NUP133: variants seen among roughly 807,000 people sequenced by gnomAD.
NUP133 encodes nucleoporin 133, also known as nuclear pore complex protein Nup133.
Under a neutral mutation model 146.2 loss-of-function variants are expected in NUP133, and 66 were observed. The observed-to-expected ratio is 0.45, with a 90% CI of 0.37 to 0.55. NUP133 has a LOEUF of 0.55. Among genes scored for constraint, NUP133 ranks in the 20% least tolerant of loss-of-function variants. The probability of loss-of-function intolerance (pLI) is 0.00; values close to 1 mark genes in which losing one functional copy is unlikely to be tolerated. For missense variants in NUP133, 1,277 were observed against 1,374.8 expected (o/e 0.93, Z 1.12); for synonymous variants, 521 against 498.8 (o/e 1.04, Z -0.59).
Position 229,499,837 on chromosome 1 carries a change from CA to C in NUP133, c.514-20del. Reference sequence around the variant, plus strand: ...CAACAGCCTCAAAACAAGATCACAACAATCAGCAATCACAATAAAAGAGGAA... The same window carrying C: ...CAACAGCCTCAAAACAAGATCACAACATCAGCAATCACAATAAAAGAGGAA... On this transcript the variant is annotated intron_variant, in intron 4 of 25. Transcript: ENST00000261396. 1 of 1,606,738 alleles carries C rather than the reference CA, an allele frequency of 6.2e-7. No homozygotes were observed. The highest frequency in any genetic ancestry group is 8.5e-7 in the Non-Finnish European group (1 of 1,175,356).
intron 24 of NUP133, chr1:229,448,894 C>T (rs558230878): frequency 1.4e-5 from 7 of 517,676 alleles, no homozygotes; most frequent in Non-Finnish European, 1.7e-5. Context: ...GCATCAAAGT[C>T]AGGGGCAGTC....
chr1:229,467,579 T>C (rs1660852844), intron 15 of NUP133, among the ~76,000 whole-genome samples: 2 of 152,192 alleles, frequency 1.3e-5, no homozygotes, highest in South Asian at 2.1e-4. Flanking sequence ...CTTTAGCACA[T>C]TTAATTTATA....
Position 229,502,059 on chromosome 1 carries a change from A to C in NUP133, c.345T>G (p.Ala115=), listed in dbSNP as rs1360192822. Residue 115 remains alanine (A), a synonymous_variant, in exon 3 of 26, where the codon GCT becomes GCG. Transcript: ENST00000261396. ...LTINIDEGGW[A]CLVCKEKLII... is the part of the protein sequence containing the mutation. ...TGAGCTTCTCTTTGCACACCAGACA[A>C]GCCCATCCACCTTCATCTATGTTAA... is the stretch of plus-strand genomic sequence containing the variant. The C allele has an allele frequency of 1.9e-6, 3 of 1,614,056 alleles. No homozygotes were observed. The highest frequency in any genetic ancestry group is 1.7e-6 in the Non-Finnish European group (2 of 1,179,976).
Position 229,447,551 on chromosome 1 carries a change from A to C in NUP133, c.3245+1575T>G, listed in dbSNP as rs1019435621. The stretch of plus-strand genomic sequence containing the variant: ...CAGGATAGGGGCTGGTCACCAGAAA[A>C]AGCATAATTAGAGTTGGGACTTTTC... On this transcript the variant is annotated intron_variant, in intron 24 of 25. Transcript: ENST00000261396. Among the ~76,000 whole-genome samples, 5 of 152,022 alleles carry C rather than the reference A, an allele frequency of 3.3e-5. No individual in the cohort carries two copies. The East Asian group carries it at 9.6e-4, about 29-fold the overall frequency.
chr1:229,490,144 C>A (rs779006726), intron 8 of NUP133, 42 bp from the exon 9 acceptor site: 3 of 1,455,838 alleles, frequency 2.1e-6, no homozygotes, highest in East Asian at 2.4e-5. Flanking sequence ...CTCTAAAAAA[C>A]AACTTAGGAG....
At chr1:229,457,646 G>A (rs908106646) in intron 21 of NUP133, among the ~76,000 whole-genome samples, 3 of 151,798 alleles carry the variant, frequency 2.0e-5, no homozygotes, top group Admixed American at 6.6e-5. Context: ...TAATTCTCTT[G>A]TTGTAATTTT....
At chr1:229,474,004 A>G (rs1348939499) in intron 14 of NUP133, among the ~76,000 whole-genome samples, 1 of 152,216 alleles carries the variant, frequency 6.6e-6, no homozygotes, top group African/African-American at 2.4e-5. Context: ...GACCAATGTC[A>G]CTTTACTGGA....
intron 17 of NUP133, among the ~76,000 whole-genome samples, 157 bp downstream of exon 17, chr1:229,465,263 G>C (rs1660786688): frequency 6.6e-6 from 1 of 152,208 alleles, no homozygotes; most frequent in Non-Finnish European, 1.5e-5. Context: ...ATAAGAGCAA[G>C]GGACGAATAA....
chr1:229,444,770 C>A, intron 25 of NUP133, 144 bp downstream of exon 25: 1 of 533,248 alleles, frequency 1.9e-6, no homozygotes, highest in Non-Finnish European at 3.4e-6. Flanking sequence ...TTGCTTGAAC[C>A]CGGGAGGTGG....
rs1558109234 is a variant in NUP133, at chr1:229,500,876, C to T, written c.406-13G>A. ...TGCAAACGGATAACTGTAGAACAAA[C>T]CCAAACAGAAAATCTTTCACATCAA... On this transcript the variant is annotated splice_polypyrimidine_tract_variant and intron_variant, in intron 3 of 25. Transcript: ENST00000261396. 1.3e-6 allele frequency: 2 copies of T among 1,556,320 alleles called. No homozygotes were observed. Among genetic ancestry groups the T allele is most frequent in the Non-Finnish European group, 1.8e-6 (2 of 1,134,346 alleles).
intron 19 of NUP133, among the ~76,000 whole-genome samples, chr1:229,461,038 G>A (rs993122019): frequency 1.3e-5 from 2 of 152,132 alleles, no homozygotes; most frequent in African/African-American, 2.4e-5. Context: ...CTGGCCATAC[G>A]TAGCTGTTTA....
intron 19 of NUP133, among the ~76,000 whole-genome samples, chr1:229,461,705 T>C (rs922440811): frequency 4.6e-5 from 7 of 151,972 alleles, no homozygotes; most frequent in Non-Finnish European, 1.0e-4. Flanking sequence ...TCAAAGATGA[T>C]CAGAGTAAGC....
At position 229,441,772 on chromosome 1, in the gene NUP133, C is replaced by A; in HGVS notation, c.*132G>T. 2 of 725,032 alleles carry A rather than the reference C, an allele frequency of 2.8e-6. No individual in the cohort carries two copies. The highest frequency in any genetic ancestry group is 4.4e-6 in the Non-Finnish European group (2 of 455,490). 44.9% of individuals were successfully genotyped at this position (725,032 alleles called of 1,614,324 possible). On this transcript the variant is annotated 3_prime_UTR_variant, in exon 26 of 26. Coordinates refer to ENST00000261396, the MANE Select transcript of NUP133 (RefSeq NM_018230.3). ...TACATAACTATTTTATATTAGCTTCCTACATATAAAGTATAAAAACTCAGC... is the reference window on the plus strand; with the variant it reads ...TACATAACTATTTTATATTAGCTTCATACATATAAAGTATAAAAACTCAGC...
intron 23 of NUP133, among the ~76,000 whole-genome samples, chr1:229,449,672 G>A (rs1441725709): frequency 6.6e-6 from 1 of 151,238 alleles, no homozygotes; most frequent in African/African-American, 2.4e-5. Context: ...CGCCCGGCCT[G>A]AGAGGGGTAA....
chr1:229,443,107 A>T (rs1344680031), intron 25 of NUP133, among the ~76,000 whole-genome samples: 1 of 152,028 alleles, frequency 6.6e-6, no homozygotes, highest in Non-Finnish European at 1.5e-5. Flanking sequence ...AGCTCACTGT[A>T]GCTTCAATCC....
In NUP133 at chr1:229,441,785, A is replaced by AT; in HGVS notation, c.*118dup. The AT allele has an allele frequency of 1.2e-6, 1 of 845,822 alleles. No individual in the cohort carries two copies. The highest frequency in any genetic ancestry group is 1.8e-6 in the Non-Finnish European group (1 of 554,232). 52.4% of individuals were successfully genotyped at this position (845,822 alleles called of 1,614,324 possible). A position where few individuals can be genotyped will look rare whatever the true frequency, so the allele number is the denominator to read the frequency against. ...TATATTAGCTTCCTACATATAAAGT[A>AT]TAAAAACTCAGCTATACATGTTATG... On this transcript the variant is annotated 3_prime_UTR_variant, in exon 26 of 26. Coordinates refer to ENST00000261396, the MANE Select transcript of NUP133 (RefSeq NM_018230.3).
chr1:229,445,897 TA>T (rs774801712), intron 24 of NUP133, among the ~76,000 whole-genome samples: 28 of 152,188 alleles, frequency 1.8e-4, no homozygotes, highest in Non-Finnish European at 2.8e-4. Context: ...AATGCTTTAG[TA>T]AAAATAGCTC....
chr1:229,455,296 T>G (rs1011696409), intron 21 of NUP133, among the ~76,000 whole-genome samples: 3 of 152,142 alleles, frequency 2.0e-5, no homozygotes, highest in Admixed American at 2.0e-4. Flanking sequence ...TGGTGGCTCA[T>G]GTCTATAATC....
chr1:229,443,794 T>A (rs1239895133), intron 25 of NUP133, among the ~76,000 whole-genome samples: 3 of 139,850 alleles, frequency 2.1e-5, no homozygotes, highest in African/African-American at 8.0e-5. Flanking sequence ...AGTGGCACCA[T>A]CAGAACTCAC....
Sources: allele counts gnomAD v4.1 joint callset (sites outside exome capture counted in the v4.1 genomes callset), GRCh38; gene constraint gnomAD v4.1.1; transcripts MANE v1.5; gene names NCBI Gene and HGNC (gene_info 2026-07-23, HGNC 2026-07-21).